The following GPC5 variants were observed in gnomAD, a reference collection of about 807,000 sequenced individuals.
The protein encoded by GPC5 is glypican 5, also known as glypican-5.
GPC5 carries 47 observed loss-of-function variants against 53.9 expected under a neutral mutation model. That is an observed-to-expected ratio of 0.87 (90% confidence interval 0.69 to 1.11). The LOEUF (loss-of-function observed/expected upper bound fraction) is 1.11, where lower values mean the gene tolerates loss of function less well. Ranked by LOEUF, GPC5 falls within the 50% of genes most tolerant of loss-of-function variation. The pLI, the probability that GPC5 is intolerant of heterozygous loss-of-function variation, is 0.00. For missense variants in GPC5, 748 were observed against 713.1 expected (o/e 1.05, Z -0.56); for synonymous variants, 286 against 263.3 (o/e 1.09, Z -0.84).
chr13:92,565,632 G>C (rs1217777522), intron 7 of GPC5, among the ~76,000 whole-genome samples: 3 of 151,948 alleles, frequency 2.0e-5, no homozygotes, highest in Non-Finnish European at 2.9e-5. Flanking sequence ...TTCCACTAAG[G>C]AAGAAACTTG....
chr13:91,957,775 C>T (rs1007207401), intron 6 of GPC5, among the ~76,000 whole-genome samples: 7 of 151,916 alleles, frequency 4.6e-5, no homozygotes, highest in African/African-American at 9.7e-5. Context: ...TAGACTAGCC[C>T]TATAAGAAAT....
At chr13:91,592,924 G>C (rs1156728935) in intron 2 of GPC5, among the ~76,000 whole-genome samples, 1 of 152,204 alleles carries the variant, frequency 6.6e-6, no homozygotes, top group Non-Finnish European at 1.5e-5. Flanking sequence ...GGTCAGCTGA[G>C]GCAAGACATT....
chr13:91,618,317 C>G (rs1398240968), intron 2 of GPC5, among the ~76,000 whole-genome samples: 1 of 152,012 alleles, frequency 6.6e-6, no homozygotes, highest in Admixed American at 6.6e-5. Flanking sequence ...ATACAATTGC[C>G]CCCTTTTATG....
intron 6 of GPC5, among the ~76,000 whole-genome samples, chr13:92,052,665 G>C (rs1348473233): frequency 6.6e-6 from 1 of 152,162 alleles, no homozygotes; most frequent in African/African-American, 2.4e-5. Flanking sequence ...AGTGCTGATT[G>C]GTGAGTTTTT....
rs147685286 is a variant in GPC5 at position 92,257,922 on chromosome 13, A to G, written c.1561+112933A>G. On this transcript the variant is annotated intron_variant, in intron 7 of 7. Coordinates refer to ENST00000377067, the MANE Select transcript of GPC5 (RefSeq NM_004466.6). ...TGAAGTGAACTTGCCTTTTCCTGGT[A>G]ATTAAACCAAATTATTCAGAAGTAA... 3.0e-4 allele frequency among the ~76,000 whole-genome samples: 45 copies of G among 152,254 alleles called. No homozygotes were observed. The East Asian group carries it at 8.7e-3, about 29-fold the overall frequency.
At chr13:91,902,721 T>A (rs1490881403) in intron 5 of GPC5, among the ~76,000 whole-genome samples, 1 of 152,054 alleles carries the variant, frequency 6.6e-6, no homozygotes, top group African/African-American at 2.4e-5. Flanking sequence ...GGAACTCAAA[T>A]AAAAATTATT....
chr13:91,622,879 G>T (rs557245409), intron 2 of GPC5, among the ~76,000 whole-genome samples: 4 of 152,110 alleles, frequency 2.6e-5, no homozygotes, highest in Non-Finnish European at 5.9e-5. Flanking sequence ...TAGAATAAAG[G>T]TATTGCAGAT....
rs573559157 is a variant in GPC5, at chr13:92,010,509, A to G, written c.1401+102452A>G. Among the ~76,000 whole-genome samples the G allele has an allele frequency of 8.5e-5, 13 of 152,370 alleles. No homozygotes were observed. In the South Asian group the frequency reaches 2.1e-3, roughly 24 times the overall value. On this transcript the variant is annotated intron_variant, in intron 6 of 7. Transcript: ENST00000377067. ...TGTTATGGACTGAACTGTGTTCCCC[A>G]GAATCTCTATATTGAAGCACTAAGC...
At chr13:92,712,753 T>C (rs546002930) in intron 7 of GPC5, among the ~76,000 whole-genome samples, 1 of 152,194 alleles carries the variant, frequency 6.6e-6, no homozygotes, top group South Asian at 2.1e-4. Context: ...GTGTGGCTGA[T>C]TTTTTGAGAT....
intron 6 of GPC5, among the ~76,000 whole-genome samples, chr13:92,025,033 A>C (rs933049343): frequency 1.3e-5 from 2 of 152,140 alleles, no homozygotes; most frequent in Non-Finnish European, 2.9e-5. Flanking sequence ...CTTCAGTGGC[A>C]AAAGTATTTA....
chr13:92,174,921 C>T (rs915610868), intron 7 of GPC5, among the ~76,000 whole-genome samples: 2 of 152,214 alleles, frequency 1.3e-5, no homozygotes, highest in African/African-American at 4.8e-5. Context: ...CCCTTCTCAG[C>T]TCATCGCAAC....
At chr13:92,665,195 G>T (rs1886529723) in intron 7 of GPC5, among the ~76,000 whole-genome samples, 1 of 152,020 alleles carries the variant, frequency 6.6e-6, no homozygotes, top group African/African-American at 2.4e-5. Flanking sequence ...ACAGTAATTT[G>T]GCCATAAAAT....
At chr13:91,946,906 A>G (rs2039979863) in intron 6 of GPC5, among the ~76,000 whole-genome samples, 1 of 151,800 alleles carries the variant, frequency 6.6e-6, no homozygotes, top group Non-Finnish European at 1.5e-5. Flanking sequence ...TTTTTTTTTC[A>G]GAGTGTATTC....
chr13:92,714,849 C>T (rs535608574), intron 7 of GPC5, among the ~76,000 whole-genome samples: 3 of 152,182 alleles, frequency 2.0e-5, no homozygotes, highest in Admixed American at 6.5e-5. Context: ...AAGTGGATCA[C>T]GAGTTCAGGA....
At chr13:91,706,790 C>A (rs1051849653) in intron 3 of GPC5, among the ~76,000 whole-genome samples, 7 of 150,386 alleles carry the variant, frequency 4.7e-5, no homozygotes, top group East Asian at 1.9e-4. Flanking sequence ...GAATAAAGGG[C>A]AAAAACAAAA....
chr13:92,031,884 T>A (rs1228387805), intron 6 of GPC5, among the ~76,000 whole-genome samples: 4 of 85,346 alleles, frequency 4.7e-5, no homozygotes, highest in Non-Finnish European at 8.9e-5. Context: ...AACATATATT[T>A]TATATATTAT....
At position 91,693,819 on chromosome 13, in the gene GPC5, C is replaced by T; in HGVS notation, c.958C>T (p.His320Tyr). The change falls in exon 3 of 8, where the codon CAC becomes TAC. Residue 320 changes from histidine (H) to tyrosine (Y), a missense_variant. His to Tyr is a moderately conservative substitution (Grantham distance 83, BLOSUM62 2). Coordinates refer to ENST00000377067, the MANE Select transcript of GPC5 (RefSeq NM_004466.6). ...CATTGGACACGTGCTGCTGAACTTT[C>T]ACTTGCTTGTTAATGATGCTGTGTT... ...YDIGHVLLNFHLLVNDAVLQA... is the reference protein window; with the variant it reads ...YDIGHVLLNFYLLVNDAVLQA... 1 of 1,612,952 alleles carries T rather than the reference C, an allele frequency of 6.2e-7. No homozygotes were observed. Among genetic ancestry groups the T allele is most frequent in the Non-Finnish European group, 8.5e-7 (1 of 1,179,946 alleles).
intron 7 of GPC5, among the ~76,000 whole-genome samples, chr13:92,372,270 A>G (rs756468353): frequency 6.6e-6 from 1 of 152,226 alleles, no homozygotes; most frequent in Non-Finnish European, 1.5e-5. Flanking sequence ...ATACTGTTAC[A>G]GTGGCTTTCA....
intron 7 of GPC5, among the ~76,000 whole-genome samples, chr13:92,454,569 T>C (rs1378718624): frequency 6.6e-6 from 1 of 152,210 alleles, no homozygotes; most frequent in East Asian, 1.9e-4. Flanking sequence ...GAATTTATCA[T>C]GTACCAGGAA....
Sources: gnomAD v4.1 joint callset for allele counts (sites outside exome capture counted in the v4.1 genomes callset) on GRCh38, gnomAD v4.1.1 for gene constraint, MANE v1.5 for transcripts, NCBI Gene and HGNC (gene_info 2026-07-23, HGNC 2026-07-21) for gene names.